The following ALK variants were observed in gnomAD, a reference collection of about 807,000 sequenced individuals.
The protein encoded by ALK is ALK receptor tyrosine kinase.
Under a neutral mutation model 163.1 loss-of-function variants are expected in ALK, and 74 were observed. The observed-to-expected ratio is 0.45, with a 90% CI of 0.38 to 0.55. ALK has a LOEUF of 0.55. Ranked by LOEUF, ALK falls within the 20% of genes least tolerant of loss-of-function variation. The probability of loss-of-function intolerance (pLI) is 0.00; values close to 1 mark genes in which losing one functional copy is unlikely to be tolerated. For missense variants in ALK, 2,063 were observed against 2,105.3 expected (o/e 0.98, Z 0.39); for synonymous variants, 960 against 843.2 (o/e 1.14, Z -2.40).
At chr2:29,214,594 A>G (rs766864892) in intron 23 of ALK, among the ~76,000 whole-genome samples, 1 of 152,228 alleles carries the variant, frequency 6.6e-6, no homozygotes, top group Non-Finnish European at 1.5e-5. Flanking sequence ...ATTGAAAAAG[A>G]AAAGCTTTTG....
chr2:29,644,336 C>G (rs1301404385), intron 3 of ALK, among the ~76,000 whole-genome samples: 1 of 151,622 alleles, frequency 6.6e-6, no homozygotes, highest in Non-Finnish European at 1.5e-5. Context: ...CAACATGGCA[C>G]ATGTTTACAT....
chr2:29,455,927 G>C (rs561045154), intron 4 of ALK, among the ~76,000 whole-genome samples: 1 of 152,266 alleles, frequency 6.6e-6, no homozygotes, highest in African/African-American at 2.4e-5. Flanking sequence ...CTAGCATTGT[G>C]GGGGTGCAAG....
intron 1 of ALK, among the ~76,000 whole-genome samples, chr2:29,853,258 T>C (rs1666051591): frequency 6.6e-6 from 1 of 152,164 alleles, no homozygotes; most frequent in Non-Finnish European, 1.5e-5. Context: ...ATTTGGATAT[T>C]TCACAGACAT....
chr2:29,235,504 A>G (rs1330932282), intron 13 of ALK, among the ~76,000 whole-genome samples: 3 of 152,098 alleles, frequency 2.0e-5, no homozygotes, highest in African/African-American at 7.2e-5. Context: ...GCTATTGTAG[A>G]GAGCTGGCAT....
At chr2:29,673,750 T>A (rs986335269) in intron 3 of ALK, among the ~76,000 whole-genome samples, 1 of 150,026 alleles carries the variant, frequency 6.7e-6, no homozygotes, top group Non-Finnish European at 1.5e-5. Context: ...TGGCATTGAA[T>A]CTGTAAATTA....
At chr2:29,379,068 G>A (rs909911612) in intron 5 of ALK, among the ~76,000 whole-genome samples, 1 of 152,122 alleles carries the variant, frequency 6.6e-6, no homozygotes, top group Non-Finnish European at 1.5e-5. Context: ...TCTGACGTAT[G>A]TGTTGCTGTA....
chr2:29,577,023 C>T (rs1383429063), intron 3 of ALK, among the ~76,000 whole-genome samples: 1 of 151,922 alleles, frequency 6.6e-6, no homozygotes, highest in African/African-American at 2.4e-5. Flanking sequence ...ATCCTGAAAC[C>T]ACTCTGCACC....
intron 4 of ALK, among the ~76,000 whole-genome samples, chr2:29,409,507 C>T (rs1669677049): frequency 6.6e-6 from 1 of 152,160 alleles, no homozygotes; most frequent in South Asian, 2.1e-4. Flanking sequence ...CCCCTTCAAT[C>T]CATCAGCCCA....
At chr2:29,574,393 C>T (rs11686864) in intron 3 of ALK, among the ~76,000 whole-genome samples, 18,200 of 152,300 alleles carry the variant, frequency 0.12, 1,443 homozygotes, top group Non-Finnish European at 0.18. Flanking sequence ...ACATGGGCCT[C>T]TTCCCACCTG....
Position 29,578,035 on chromosome 2 carries a change from G to T in ALK, c.953-45919C>A, listed in dbSNP as rs540619358. Reference sequence around the variant, plus strand: ...ATCTTGATCTACACTAACTGATAGGGTTTGGCTGTGTCCCCACCCAAATCG... The same window carrying T: ...ATCTTGATCTACACTAACTGATAGGTTTTGGCTGTGTCCCCACCCAAATCG... On this transcript the variant is annotated intron_variant, in intron 3 of 28. Transcript: ENST00000389048. 8.6e-5 allele frequency among the ~76,000 whole-genome samples: 13 copies of T among 151,956 alleles called. No individual in the cohort carries two copies. The South Asian group carries it at 2.3e-3, about 27-fold the overall frequency.
chr2:29,427,743 A>G (rs1558319543), intron 4 of ALK, among the ~76,000 whole-genome samples: 1 of 152,116 alleles, frequency 6.6e-6, no homozygotes, highest in East Asian at 1.9e-4. Flanking sequence ...AAACAATCCA[A>G]TAAAAAGGTA....
intron 3 of ALK, among the ~76,000 whole-genome samples, chr2:29,587,048 C>A (rs1674909447): frequency 6.6e-6 from 1 of 152,212 alleles, no homozygotes; most frequent in African/African-American, 2.4e-5. Context: ...CTTCCACCAA[C>A]ACCTCCCTAC....
chr2:29,533,974 T>G (rs1023356466), intron 3 of ALK, among the ~76,000 whole-genome samples: 2 of 152,154 alleles, frequency 1.3e-5, no homozygotes, highest in African/African-American at 4.8e-5. Context: ...CAGAATGGAC[T>G]GTGCAAAAGT....
At chr2:29,314,575 G>C (rs1666777772) in intron 8 of ALK, among the ~76,000 whole-genome samples, 1 of 152,088 alleles carries the variant, frequency 6.6e-6, no homozygotes, top group African/African-American at 2.4e-5. Flanking sequence ...CCAGCATTGA[G>C]GAACTGACCA....
At chr2:29,543,345 C>A (rs1210651699) in intron 3 of ALK, among the ~76,000 whole-genome samples, 2 of 152,162 alleles carry the variant, frequency 1.3e-5, no homozygotes, top group African/African-American at 4.8e-5. Context: ...ACTAGGGAGG[C>A]TAACAGGAGC....
At chr2:29,475,905 C>A (rs979757716) in intron 4 of ALK, among the ~76,000 whole-genome samples, 1 of 152,114 alleles carries the variant, frequency 6.6e-6, no homozygotes, top group African/African-American at 2.4e-5. Flanking sequence ...CCCAGACAGG[C>A]GGCAAATGAG....
intron 5 of ALK, among the ~76,000 whole-genome samples, chr2:29,330,087 C>G (rs1667395154): frequency 6.6e-6 from 1 of 152,206 alleles, no homozygotes. Context: ...GCATTGTCCA[C>G]CCTGCCTCCT....
At chr2:29,663,736 G>A (rs1677423026) in intron 3 of ALK, among the ~76,000 whole-genome samples, 1 of 152,044 alleles carries the variant, frequency 6.6e-6, no homozygotes, top group Non-Finnish European at 1.5e-5. Context: ...CTAACTGTGG[G>A]TATCAGTAGT....
intron 1 of ALK, among the ~76,000 whole-genome samples, chr2:29,894,655 A>G (rs1013602697): frequency 5.9e-5 from 9 of 152,140 alleles, no homozygotes; most frequent in African/African-American, 2.2e-4. Flanking sequence ...CTAGTACAGA[A>G]AAATTAAATT....
Sources: gnomAD v4.1 joint callset for allele counts (sites outside exome capture counted in the v4.1 genomes callset) on GRCh38, gnomAD v4.1.1 for gene constraint, MANE v1.5 for transcripts, NCBI Gene and HGNC (gene_info 2026-07-23, HGNC 2026-07-21) for gene names.